Variants in COLGALT2 observed in about 807,000 individuals in gnomAD.
COLGALT2 encodes procollagen galactosyltransferase 2.
Under a neutral mutation model 73.4 loss-of-function variants are expected in COLGALT2, and 49 were observed. The observed-to-expected ratio is 0.67, with a 90% CI of 0.53 to 0.85. The LOEUF (loss-of-function observed/expected upper bound fraction) is 0.85, where lower values mean the gene tolerates loss of function less well. Among genes scored for constraint, COLGALT2 ranks in the 40% least tolerant of loss-of-function variants. The pLI, the probability that COLGALT2 is intolerant of heterozygous loss-of-function variation, is 0.00. For synonymous variants in COLGALT2, 295 were observed against 307.6 expected (o/e 0.96, Z 0.43); for missense variants, 722 against 790.2 (o/e 0.91, Z 1.03).
At chr1:183,994,396 G>A (rs937581896) in intron 1 of COLGALT2, among the ~76,000 whole-genome samples, 2 of 151,858 alleles carry the variant, frequency 1.3e-5, no homozygotes, top group Non-Finnish European at 2.9e-5. Flanking sequence ...TTATGGATGA[G>A]AAAATAGTTA....
downstream of COLGALT2, among the ~76,000 whole-genome samples, chr1:183,933,177 A>G (rs962755847): frequency 2.6e-5 from 4 of 151,644 alleles, no homozygotes; most frequent in African/African-American, 7.3e-5. Flanking sequence ...CTACCACACT[A>G]TTTTCCCCAT....
intron 1 of COLGALT2, among the ~76,000 whole-genome samples, chr1:184,016,591 G>A (rs1649008644): frequency 6.6e-6 from 1 of 152,236 alleles, no homozygotes; most frequent in African/African-American, 2.4e-5. Flanking sequence ...ACCTAGGCAG[G>A]ATTGAATCTA....
At chr1:183,934,459 TG>T (rs1222253856), downstream of COLGALT2, among the ~76,000 whole-genome samples, 3 of 152,164 alleles carry the variant, frequency 2.0e-5, no homozygotes, top group Non-Finnish European at 2.9e-5. Context: ...CCGGTTCCCC[TG>T]AAATAATAAA....
chr1:183,979,106 T>A lies in COLGALT2; in HGVS notation c.264-586A>T, dbSNP rs545977037. ...TTTGGATTAACTTTACCATCACGTT[T>A]ACAAAATAGAGTATTTTCCAAAGCC... On this transcript the variant is annotated intron_variant, in intron 1 of 11. Transcript: ENST00000361927. Among the ~76,000 whole-genome samples, 28 of 152,324 alleles carry A rather than the reference T, an allele frequency of 1.8e-4. No individual in the cohort carries two copies. In the East Asian group the frequency reaches 5.2e-3, roughly 28 times the overall value.
intron 1 of COLGALT2, among the ~76,000 whole-genome samples, chr1:184,028,165 A>T (rs1261707072): frequency 6.6e-6 from 1 of 152,226 alleles, no homozygotes; most frequent in Non-Finnish European, 1.5e-5. Context: ...CTATTAGTCC[A>T]GCAAGGGACT....
At chr1:183,964,513 T>A (rs1473480926) in intron 5 of COLGALT2, 1 of 155,300 alleles carries the variant, frequency 6.4e-6, no homozygotes, top group Non-Finnish European at 1.4e-5. Flanking sequence ...CGAAGGAAAT[T>A]TAAAATTCTC....
chr1:183,989,235 T>A (rs1285081144), intron 1 of COLGALT2, among the ~76,000 whole-genome samples: 2 of 152,086 alleles, frequency 1.3e-5, no homozygotes, highest in African/African-American at 4.8e-5. Context: ...TGCAAGGAAG[T>A]GAGAAGTGTC....
At chr1:183,954,232 G>A (rs931441498) in intron 7 of COLGALT2, among the ~76,000 whole-genome samples, 9 of 152,014 alleles carry the variant, frequency 5.9e-5, no homozygotes, top group African/African-American at 1.9e-4. Flanking sequence ...ATATTATTAG[G>A]AAGTTCTTGC....
intron 1 of COLGALT2, among the ~76,000 whole-genome samples, chr1:184,014,356 T>C (rs1648930736): frequency 6.6e-6 from 1 of 152,096 alleles, no homozygotes; most frequent in Non-Finnish European, 1.5e-5. Context: ...CTGGTCCACA[T>C]GATTGAATGC....
chr1:183,961,914 C>T (rs766464148), intron 6 of COLGALT2, among the ~76,000 whole-genome samples: 2 of 152,130 alleles, frequency 1.3e-5, no homozygotes, highest in Non-Finnish European at 2.9e-5. Context: ...TCAAGAAATA[C>T]TGTCACAGTG....
intron 1 of COLGALT2, among the ~76,000 whole-genome samples, chr1:184,011,637 C>T (rs1214988052): frequency 1.3e-5 from 2 of 152,196 alleles, no homozygotes; most frequent in Non-Finnish European, 2.9e-5. Flanking sequence ...AGGGAGCATT[C>T]TCTTAGTAAT....
chr1:183,999,971 T>C (rs1671871227), intron 1 of COLGALT2, among the ~76,000 whole-genome samples: 1 of 152,156 alleles, frequency 6.6e-6, no homozygotes, highest in South Asian at 2.1e-4. Flanking sequence ...TTGGGTTTAT[T>C]CTGTTTTTTT....
At chr1:183,982,888 T>A (rs1182920354) in intron 1 of COLGALT2, among the ~76,000 whole-genome samples, 1 of 152,246 alleles carries the variant, frequency 6.6e-6, no homozygotes, top group Non-Finnish European at 1.5e-5. Flanking sequence ...TCTTAAATTC[T>A]CTTTGCCTTC....
intron 1 of COLGALT2, among the ~76,000 whole-genome samples, chr1:184,006,554 A>G (rs912085675): frequency 2.6e-5 from 4 of 152,044 alleles, no homozygotes; most frequent in African/African-American, 9.7e-5. Flanking sequence ...ATTGCACTCC[A>G]GCCTGGGCAA....
chr1:184,037,068 G>T (rs779641410), intron 1 of COLGALT2, 27 bp downstream of exon 1: 5 of 1,472,286 alleles, frequency 3.4e-6, no homozygotes, highest in Non-Finnish European at 3.6e-6. Flanking sequence ...GTCCCGCCGC[G>T]GCGGCCCGGG....
downstream of COLGALT2, among the ~76,000 whole-genome samples, chr1:183,931,852 T>C (rs1294884476): frequency 7.0e-6 from 1 of 142,594 alleles, no homozygotes; most frequent in Non-Finnish European, 1.5e-5. Context: ...TCTGAATTGT[T>C]CCTGCCATAA....
At chr1:183,974,633 G>C (rs1251902121) in intron 3 of COLGALT2, among the ~76,000 whole-genome samples, 1 of 152,194 alleles carries the variant, frequency 6.6e-6, no homozygotes, top group African/African-American at 2.4e-5. Context: ...ATTCTCCAAA[G>C]AGAGCATCAC....
chr1:183,986,712 C>T (rs1171924769), intron 1 of COLGALT2, among the ~76,000 whole-genome samples: 1 of 152,158 alleles, frequency 6.6e-6, no homozygotes, highest in Non-Finnish European at 1.5e-5. Flanking sequence ...AACTTCTCAA[C>T]ATTATGCCAC....
chr1:183,957,770 T>G (rs1488191102), intron 6 of COLGALT2, among the ~76,000 whole-genome samples: 1 of 148,790 alleles, frequency 6.7e-6, no homozygotes, highest in Non-Finnish European at 1.5e-5. Context: ...CTTCACTTTT[T>G]TGTGGTGGTT....
Sources: gnomAD v4.1 joint callset for allele counts (sites outside exome capture counted in the v4.1 genomes callset) on GRCh38, gnomAD v4.1.1 for gene constraint, MANE v1.5 for transcripts, NCBI Gene and HGNC (gene_info 2026-07-23, HGNC 2026-07-21) for gene names.